Variants in FSIP1 observed in about 807,000 individuals in gnomAD.
The protein encoded by FSIP1 is fibrous sheath-interacting protein 1.
A neutral mutation model predicts 60.9 loss-of-function variants in FSIP1; 65 were observed. The ratio of observed to expected loss-of-function variants is 1.07; its 90% CI spans 0.87 to 1.31. FSIP1 has a LOEUF of 1.31. FSIP1 is among the 40% of genes most tolerant of loss of function. The pLI is 0.00. For synonymous variants in FSIP1, 209 were observed against 221.2 expected (o/e 0.94, Z 0.49); for missense variants, 675 against 665.5 (o/e 1.01, Z -0.16).
intron 10 of FSIP1, among the ~76,000 whole-genome samples, chr15:39,693,202 A>G (rs1051238712): frequency 6.6e-6 from 1 of 152,236 alleles, no homozygotes; most frequent in Non-Finnish European, 1.5e-5. Flanking sequence ...TATTTAACAC[A>G]TGCACAAAAC....
In FSIP1 at chr15:39,698,191, GTA is replaced by G. The variant is rs3065120; in HGVS notation, c.1188+15251_1188+15252del. On this transcript the variant is annotated intron_variant, in intron 10 of 11. Coordinates refer to ENST00000350221, the MANE Select transcript of FSIP1 (RefSeq NM_152597.5). ...TATATATATATATAAAATATTAATT[GTA>G]TATATATATAATATACAATTAATAA... 6.8e-3 allele frequency among the ~76,000 whole-genome samples: 993 copies of G among 146,910 alleles called. 51 individuals carry two copies. The highest frequency in any genetic ancestry group is 1.9e-3 in the African/African-American group (75 of 40,448).
chr15:39,640,257 G>T (rs1207960816), intron 10 of FSIP1, among the ~76,000 whole-genome samples: 1 of 152,168 alleles, frequency 6.6e-6, no homozygotes, highest in Non-Finnish European at 1.5e-5. Context: ...GTTATCCATT[G>T]TTCATGACAC....
chr15:39,682,160 C>G (rs1894190782), intron 10 of FSIP1, among the ~76,000 whole-genome samples: 1 of 152,182 alleles, frequency 6.6e-6, no homozygotes, highest in South Asian at 2.1e-4. Context: ...AAATGATATA[C>G]TGTAATTTAC....
At chr15:39,664,619 A>G (rs1236812293) in intron 10 of FSIP1, among the ~76,000 whole-genome samples, 1 of 152,048 alleles carries the variant, frequency 6.6e-6, no homozygotes, top group Non-Finnish European at 1.5e-5. Context: ...CCTGACCCCA[A>G]TCTCAGATGA....
At chr15:39,726,544 C>T in intron 9 of FSIP1, 45 bp downstream of exon 9, 1 of 1,577,310 alleles carries the variant, frequency 6.3e-7, no homozygotes, top group Non-Finnish European at 8.7e-7. Flanking sequence ...ATGTGAACAG[C>T]TTTAGCACAC....
intron 10 of FSIP1, among the ~76,000 whole-genome samples, chr15:39,645,621 C>T (rs1892564291): frequency 1.3e-5 from 2 of 151,172 alleles, no homozygotes; most frequent in South Asian, 4.2e-4. Flanking sequence ...CGGGGACAAG[C>T]GGGAGCCCTG....
At chr15:39,722,576 C>T (rs1399916446) in intron 9 of FSIP1, among the ~76,000 whole-genome samples, 3 of 152,062 alleles carry the variant, frequency 2.0e-5, no homozygotes, top group Admixed American at 6.6e-5. Context: ...CCTTCTCCTG[C>T]CCCTCACTTA....
At chr15:39,648,034 G>A (rs1457744062) in intron 10 of FSIP1, among the ~76,000 whole-genome samples, 1 of 151,754 alleles carries the variant, frequency 6.6e-6, no homozygotes, top group Non-Finnish European at 1.5e-5. Context: ...GGGGGGAGCG[G>A]GGAGGGATAG....
At chr15:39,711,535 G>C (rs1895506421) in intron 10 of FSIP1, among the ~76,000 whole-genome samples, 1 of 152,076 alleles carries the variant, frequency 6.6e-6, no homozygotes, top group Admixed American at 6.5e-5. Context: ...TGGCAGATAT[G>C]GAGTGAGAGG....
At chr15:39,739,887 C>T in intron 6 of FSIP1, 98 bp from the exon 7 acceptor site, 2 of 682,578 alleles carry the variant, frequency 2.9e-6, no homozygotes, top group East Asian at 6.2e-5. Flanking sequence ...AGAACTAAAA[C>T]ACACACAGAA....
chr15:39,762,563 A>T (rs1897537887), intron 5 of FSIP1, among the ~76,000 whole-genome samples: 2 of 152,242 alleles, frequency 1.3e-5, no homozygotes, highest in Non-Finnish European at 2.9e-5. Flanking sequence ...GGAACTGGCC[A>T]CCATCATCTT....
intron 10 of FSIP1, among the ~76,000 whole-genome samples, chr15:39,638,668 A>G (rs16969475): frequency 0.18 from 27,553 of 152,098 alleles, 3,037 homozygotes; most frequent in East Asian, 0.32. Flanking sequence ...GAAGACAAAT[A>G]ACTTAACAAA....
rs1891290812 is a variant in FSIP1 at position 39,617,826 on chromosome 15, G to A, written c.1608C>T (p.Ser536=). The A allele has an allele frequency of 3.1e-6, 5 of 1,613,474 alleles. No individual in the cohort carries two copies. The African/African-American group carries it at 5.3e-5, about 17-fold the overall frequency. The change falls in exon 11 of 12, where the codon TCC becomes TCT. Residue 536 remains serine (S), a synonymous_variant. Coordinates refer to ENST00000350221, the MANE Select transcript of FSIP1 (RefSeq NM_152597.5). ...TLGIGRLKRP[S]FLDDPLYGIS... is the part of the protein sequence containing the mutation. ...TACCATACAGTGGATCATCTAAGAA[G>A]GAGGGCCTTTTCAGTCTCCCAATGC...
Position 39,617,898 on chromosome 15 carries a change from G to C in FSIP1, c.1536C>G (p.Asp512Glu), listed in dbSNP as rs148535405. ...AGTCTTTTGTGTCACTAATAATAAC[G>C]TCCTTGGAAAATTGAAGGCATTTCA... ...ENMKCLQFSK[D>E]VIISDTKDYF... is the part of the protein sequence containing the mutation. The change falls in exon 11 of 12, where the codon GAC becomes GAG. Residue 512 changes from aspartate (D) to glutamate (E), a missense_variant. By Grantham distance (45) the Asp-to-Glu change is conservative. Coordinates refer to ENST00000350221, the MANE Select transcript of FSIP1 (RefSeq NM_152597.5). 7.4e-6 allele frequency: 12 copies of C among 1,614,120 alleles called. No individual in the cohort carries two copies. The highest frequency in any genetic ancestry group is 8.5e-6 in the Non-Finnish European group (10 of 1,180,018).
intron 11 of FSIP1, among the ~76,000 whole-genome samples, chr15:39,611,011 T>C (rs1891009126): frequency 6.6e-6 from 1 of 152,204 alleles, no homozygotes; most frequent in Non-Finnish European, 1.5e-5. Context: ...TCCTAATTGA[T>C]ACATAAAACT....
chr15:39,653,725 T>C (rs933234746), intron 10 of FSIP1, among the ~76,000 whole-genome samples: 1 of 152,176 alleles, frequency 6.6e-6, no homozygotes, highest in Non-Finnish European at 1.5e-5. Flanking sequence ...GGGAATTTCC[T>C]TGCACAAGCC....
At chr15:39,711,618 C>T (rs1895510641) in intron 10 of FSIP1, among the ~76,000 whole-genome samples, 1 of 150,144 alleles carries the variant, frequency 6.7e-6, no homozygotes, top group African/African-American at 2.4e-5. Flanking sequence ...AATGTACTAT[C>T]GTTACCACTA....
In FSIP1 at chr15:39,672,880, G is replaced by A. The variant is rs530266580; in HGVS notation, c.1188+40564C>T. ...CTACATGATGGAATCAGATGGATGA[G>A]ATGGGGTAGGATGGAAACTCATGGC... On this transcript the variant is annotated intron_variant, in intron 10 of 11. Transcript: ENST00000350221. Among the ~76,000 whole-genome samples, 77 of 152,314 alleles carry A rather than the reference G, an allele frequency of 5.1e-4. 1 individual carries two copies. The highest frequency in any genetic ancestry group is 3.2e-3 in the Admixed American group (49 of 15,300).
At chr15:39,695,222 T>G (rs879318190) in intron 10 of FSIP1, among the ~76,000 whole-genome samples, 4 of 152,102 alleles carry the variant, frequency 2.6e-5, no homozygotes, top group Non-Finnish European at 5.9e-5. Context: ...CAAAATACAC[T>G]TCTGGTCATT....
Sources: gnomAD v4.1 joint callset for allele counts (sites outside exome capture counted in the v4.1 genomes callset) on GRCh38, gnomAD v4.1.1 for gene constraint, MANE v1.5 for transcripts, NCBI Gene and HGNC (gene_info 2026-07-23, HGNC 2026-07-21) for gene names.